Variants in DYNC2H1 observed in about 807,000 individuals in gnomAD.
The protein encoded by DYNC2H1 is cytoplasmic dynein 2 heavy chain 1.
Under a neutral mutation model 570.0 loss-of-function variants are expected in DYNC2H1, and 410 were observed. That is an observed-to-expected ratio of 0.72 (90% CI 0.66 to 0.78). DYNC2H1 has a LOEUF of 0.78. Ranked by LOEUF, DYNC2H1 falls within the 30% of genes least tolerant of loss-of-function variation. The pLI, the probability that DYNC2H1 is intolerant of heterozygous loss-of-function variation, is 0.00. For missense variants in DYNC2H1, 4,865 were observed against 5,046.4 expected, an observed-to-expected ratio of 0.96 and a Z score of 1.09; for synonymous variants, 1,688 against 1,677.6, an observed-to-expected ratio of 1.01 and a Z score of -0.15.
intron 60 of DYNC2H1, among the ~76,000 whole-genome samples, chr11:103,232,336 C>T (rs1032310057): frequency 1.3e-5 from 2 of 151,562 alleles, no homozygotes; most frequent in East Asian, 1.9e-4. Context: ...TCTTTTTTGT[C>T]TGAAGTTGAG....
chr11:103,463,732 T>C (rs753815272), intron 87 of DYNC2H1, among the ~76,000 whole-genome samples: 2 of 152,050 alleles, frequency 1.3e-5, no homozygotes, highest in Non-Finnish European at 2.9e-5. Flanking sequence ...GCCTGGGCAA[T>C]GGGAGTGAGA....
rs1475545704 is a variant in DYNC2H1, at chr11:103,186,485, G to A, written c.6877G>A (p.Glu2293Lys). Residue 2293 changes from glutamate to lysine, a missense_variant, in exon 42 of 89, where the codon GAA (glutamate) becomes AAA (lysine). Physicochemically the swap from Glu to Lys is moderately conservative, Grantham distance 56. Around this residue, in one of 5 missense-constraint regions of DYNC2H1, gnomAD observed 2,401 missense variants for 2,454.6 expected, o/e 0.98. Transcript: ENST00000375735. The surrounding 1 kb of genome is among the most constrained non-coding windows in gnomAD (Gnocchi z 4.5). ...TKQPFILVGP[E>K]GCGKGMLLRY... is the part of the protein sequence containing the mutation. ...ACAGCCCTTTATTCTGGTAGGACCA[G>A]AAGGATGTGGCAAAGGGTAAGAAAA... 6.2e-7 allele frequency: 1 copy of A among 1,610,748 alleles called. No homozygotes were observed. Among genetic ancestry groups the A allele is most frequent in the African/African-American group, 1.3e-5 (1 of 74,832 alleles).
At chr11:103,212,031 T>G in intron 54 of DYNC2H1, 88 bp downstream of exon 54, 1 of 1,276,870 alleles carries the variant, frequency 7.8e-7, no homozygotes, top group Non-Finnish European at 1.0e-6. Context: ...GGGTGGCATA[T>G]ATCTGGTATT....
chr11:103,316,686 T>G, intron 80 of DYNC2H1, 66 bp downstream of exon 80: 1 of 1,249,208 alleles, frequency 8.0e-7, no homozygotes, highest in Non-Finnish European at 1.1e-6. Context: ...TTATTAACTA[T>G]GTTTTCTTCA....
intron 82 of DYNC2H1, among the ~76,000 whole-genome samples, chr11:103,354,287 C>A (rs545590858): frequency 6.7e-6 from 1 of 149,912 alleles, no homozygotes; most frequent in African/African-American, 2.4e-5. Flanking sequence ...CTTTTAGATT[C>A]ATTTTTCCCC....
chr11:103,113,756 G>A, intron 2 of DYNC2H1, 49 bp downstream of exon 2: 1 of 1,360,168 alleles, frequency 7.4e-7, no homozygotes, highest in Non-Finnish European at 9.8e-7. Context: ...TTGGATAAAT[G>A]TTTTCATATA....
chr11:103,381,452 ATTTAT>A lies in DYNC2H1; in HGVS notation c.12157-18208_12157-18204del, dbSNP rs1388423239. On this transcript the variant is annotated intron_variant, in intron 83 of 88. Transcript: ENST00000375735. ...TCTTTTATTTATTTTATTTTATTTT[ATTTAT>A]TTATGTATTTGAGATGGAGTCTCGC... Among the ~76,000 whole-genome samples the A allele has an allele frequency of 4.1e-4, 61 of 149,936 alleles. 1 individual carries two copies. Among genetic ancestry groups the A allele is most frequent in the African/African-American group, 1.5e-3 (61 of 39,626 alleles).
chr11:103,235,750 G>A lies in DYNC2H1; in HGVS notation c.9646G>A (p.Ala3216Thr), dbSNP rs1042011738. 1.2e-6 allele frequency: 2 copies of A among 1,611,664 alleles called. No individual in the cohort carries two copies. Among genetic ancestry groups the A allele is most frequent in the South Asian group, 1.1e-5 (1 of 90,962 alleles). Residue 3216 changes from alanine to threonine, a missense_variant, in exon 62 of 89, where the codon GCT becomes ACT. Coordinates refer to ENST00000375735, the MANE Select transcript of DYNC2H1 (RefSeq NM_001377.3). The part of the protein sequence containing the change: ...LAAAFITYLS[A>T]APESLRKTCL... The stretch of plus-strand genomic sequence containing the variant: ...TGCTGCATTTATTACATATCTTTCT[G>A]CTGCTCCTGAATCTCTGAGAAAAAC...
chr11:103,344,186 C>T (rs957494846), intron 82 of DYNC2H1, among the ~76,000 whole-genome samples: 3 of 152,166 alleles, frequency 2.0e-5, no homozygotes, highest in African/African-American at 7.2e-5. Context: ...CGAAATCTTT[C>T]TGTAGAGATT....
chr11:103,191,755 A>G lies in DYNC2H1; in HGVS notation c.7540+136A>G, dbSNP rs575452190. The G allele has an allele frequency of 7.0e-5, 29 of 414,800 alleles. No homozygotes were observed. In the East Asian group the frequency reaches 1.2e-3, roughly 18 times the overall value. The allele number at this position is 414,800 out of a possible 1,614,324, so 25.7% of individuals were successfully genotyped here. A position where few individuals can be genotyped will look rare whatever the true frequency, so the allele number is the denominator to read the frequency against. On this transcript the variant is annotated intron_variant, in intron 46 of 88. Coordinates refer to ENST00000375735, the MANE Select transcript of DYNC2H1 (RefSeq NM_001377.3). ...ATTAAATAGAAATATTTTTATTAAA[A>G]TTATTATATTTCTTCTTCCAAACTG...
chr11:103,251,930 C>T (rs899283942), intron 65 of DYNC2H1, among the ~76,000 whole-genome samples: 1 of 151,654 alleles, frequency 6.6e-6, no homozygotes, highest in Non-Finnish European at 1.5e-5. Flanking sequence ...CTTTTCCTTT[C>T]ATTTTTTTAG....
chr11:103,255,454 G>A lies in DYNC2H1; in HGVS notation c.10246G>A (p.Glu3416Lys). Reference sequence around the variant, plus strand: ...CATTCAGCATGAGAAACCTGATTTAGAAGAACAGAAAACAAAACTATTACA... The same window carrying A: ...CATTCAGCATGAGAAACCTGATTTAAAAGAACAGAAAACAAAACTATTACA... ...LTIQHEKPDL[E>K]EQKTKLLQQE... The change falls in exon 67 of 89, where the codon GAA becomes AAA. Residue 3416 changes from glutamate (E) to lysine (K), a missense_variant. By Grantham distance (56) the Glu-to-Lys change is moderately conservative (BLOSUM62 1). Coordinates refer to ENST00000375735, the MANE Select transcript of DYNC2H1 (RefSeq NM_001377.3). The A allele has an allele frequency of 6.4e-7, 1 of 1,568,002 alleles. No homozygotes were observed. The highest frequency in any genetic ancestry group is 8.7e-7 in the Non-Finnish European group (1 of 1,155,456).
intron 84 of DYNC2H1, chr11:103,405,610 C>G (rs1253542991): frequency 1.3e-5 from 2 of 151,826 alleles, no homozygotes. Context: ...ACCAAAAGCC[C>G]CAATTATGAT....
At chr11:103,339,623 G>A (rs1313774427) in intron 82 of DYNC2H1, among the ~76,000 whole-genome samples, 1 of 146,896 alleles carries the variant, frequency 6.8e-6, no homozygotes, top group East Asian at 2.0e-4. Flanking sequence ...GCACTGCGTT[G>A]CCTGGAGTTG....
At chr11:103,282,947 C>A in intron 72 of DYNC2H1, 61 bp from the exon 73 acceptor site, 1 of 1,217,226 alleles carries the variant, frequency 8.2e-7, no homozygotes, top group Non-Finnish European at 1.2e-6. Flanking sequence ...TAATCAATTG[C>A]TATTTTTTAA....
At chr11:103,306,386 A>C (rs1867284614) in intron 77 of DYNC2H1, among the ~76,000 whole-genome samples, 2 of 152,154 alleles carry the variant, frequency 1.3e-5, no homozygotes, top group Non-Finnish European at 2.9e-5. Context: ...ATATTATATA[A>C]TTTTTAAAAT....
intron 85 of DYNC2H1, among the ~76,000 whole-genome samples, chr11:103,442,305 AAT>A (rs1038122261): frequency 9.9e-5 from 15 of 152,124 alleles, no homozygotes; most frequent in African/African-American, 3.6e-4. Context: ...CAAACAAATA[AAT>A]ATGTTAATAT....
At chr11:103,144,146 TAC>T (rs1860113542) in intron 18 of DYNC2H1, among the ~76,000 whole-genome samples, 1 of 152,216 alleles carries the variant, frequency 6.6e-6, no homozygotes, top group Non-Finnish European at 1.5e-5. Context: ...TTAAGTCAAG[TAC>T]ACACAGGGGT....
intron 63 of DYNC2H1, among the ~76,000 whole-genome samples, chr11:103,237,935 G>A (rs534331130): frequency 6.6e-6 from 1 of 152,178 alleles, no homozygotes; most frequent in South Asian, 2.1e-4. Flanking sequence ...AATTTACTTT[G>A]TATTTAACAT....
Sources: allele counts gnomAD v4.1 joint callset (sites outside exome capture counted in the v4.1 genomes callset), GRCh38; gene constraint gnomAD v4.1.1; regional missense constraint gnomAD v4.1.1; non-coding constraint Gnocchi (gnomAD v3.1); transcripts MANE v1.5; gene names NCBI Gene and HGNC (gene_info 2026-07-23, HGNC 2026-07-21).